MEIS1: variants seen among roughly 807,000 people sequenced by gnomAD.
MEIS1 encodes homeobox protein Meis1.
MEIS1 carries 5 observed loss-of-function variants against 50.8 expected under a neutral mutation model. That is an observed-to-expected ratio of 0.10 (90% CI 0.05 to 0.21). The LOEUF (loss-of-function observed/expected upper bound fraction) is 0.21. Among genes scored for constraint, MEIS1 ranks in the 10% least tolerant of loss-of-function variants. The pLI is 1.00. For synonymous variants in MEIS1, 176 were observed against 179.3 expected, an observed-to-expected ratio of 0.98 and a Z score of 0.15; for missense variants, 318 against 517.3, an observed-to-expected ratio of 0.61 and a Z score of 3.74.
intron 7 of MEIS1, among the ~76,000 whole-genome samples, chr2:66,484,615 A>G (rs1328277728): frequency 6.6e-6 from 1 of 151,692 alleles, no homozygotes; most frequent in Non-Finnish European, 1.5e-5. Context: ...CTGGAGTGCA[A>G]TGGCACAATT....
chr2:66,487,789 T>C (rs568701822), intron 7 of MEIS1, among the ~76,000 whole-genome samples: 1 of 152,336 alleles, frequency 6.6e-6, no homozygotes, highest in African/African-American at 2.4e-5. Context: ...CCGTCACTTC[T>C]AAACGACTGA....
chr2:66,555,168 CTG>C (rs1325051062), intron 9 of MEIS1, among the ~76,000 whole-genome samples: 3 of 152,052 alleles, frequency 2.0e-5, no homozygotes, highest in Non-Finnish European at 4.4e-5. Flanking sequence ...GATTAAAAGA[CTG>C]TTTAAGCATT....
rs528606072 is a variant in MEIS1 at position 66,526,233 on chromosome 2, C to G, written c.888+13939C>G. ...AATCATTGCTTAGCAGGTAAATTCTCTCACTCATTAGAGTTCACATGCTAG... is the reference window on the plus strand; with the variant it reads ...AATCATTGCTTAGCAGGTAAATTCTGTCACTCATTAGAGTTCACATGCTAG... On this transcript the variant is annotated intron_variant, in intron 8 of 12. Transcript: ENST00000272369. Among the ~76,000 whole-genome samples, 5 of 152,332 alleles carry G rather than the reference C, an allele frequency of 3.3e-5. No homozygotes were observed. In the East Asian group the frequency reaches 7.7e-4, roughly 23 times the overall value.
chr2:66,489,316 C>T (rs1015863142), intron 7 of MEIS1, among the ~76,000 whole-genome samples: 3 of 152,186 alleles, frequency 2.0e-5, no homozygotes, highest in Non-Finnish European at 4.4e-5. Context: ...CTTTTGGAGT[C>T]TTATAAATAT....
intron 8 of MEIS1, 25 bp downstream of exon 8, chr2:66,512,319 A>G (rs773823054): frequency 6.3e-7 from 1 of 1,597,116 alleles, no homozygotes; most frequent in Admixed American, 1.7e-5. Flanking sequence ...AATGACATAT[A>G]TAAACTAAAT....
At chr2:66,512,570 T>C (rs1673859052) in intron 8 of MEIS1, among the ~76,000 whole-genome samples, 3 of 152,208 alleles carry the variant, frequency 2.0e-5, no homozygotes. Context: ...TGTGTTTTAA[T>C]GATGTTGCTT....
chr2:66,512,805 T>A (rs1489978015), intron 8 of MEIS1, among the ~76,000 whole-genome samples: 2 of 152,198 alleles, frequency 1.3e-5, no homozygotes, highest in Non-Finnish European at 2.9e-5. Context: ...AAGTCAGAGC[T>A]CCACAGTGAA....
intron 7 of MEIS1, among the ~76,000 whole-genome samples, chr2:66,501,113 T>C (rs891607716): frequency 6.6e-6 from 1 of 152,144 alleles, no homozygotes; most frequent in Admixed American, 6.5e-5. Context: ...ATATGTATTT[T>C]GGGGAGCATA....
At chr2:66,438,885 G>A (rs1476272353) in intron 2 of MEIS1, among the ~76,000 whole-genome samples, 1 of 151,952 alleles carries the variant, frequency 6.6e-6, no homozygotes, top group Non-Finnish European at 1.5e-5. Context: ...CTTGTGCGAT[G>A]GGCTTGTTTA....
intron 6 of MEIS1, among the ~76,000 whole-genome samples, chr2:66,445,011 T>C (rs1672093932): frequency 6.6e-6 from 1 of 152,126 alleles, no homozygotes. Context: ...AATACAAAAA[T>C]TAATATAATA....
At chr2:66,442,264 TTTTTGTAAAAAAA>T (rs1256800403) in intron 5 of MEIS1, among the ~76,000 whole-genome samples, 39 of 128,458 alleles carry the variant, frequency 3.0e-4, no homozygotes, top group Non-Finnish European at 5.2e-4. Flanking sequence ...TTCCTTCTCC[TTTTTGTAAAAAAA>T]AAAAAAAAAA....
intron 3 of MEIS1, 97 bp downstream of exon 3, chr2:66,440,081 A>ACACACACACC: frequency 4.6e-6 from 5 of 1,085,698 alleles, no homozygotes; most frequent in Non-Finnish European, 6.5e-6. Context: ...ACACACACAC[A>ACACACACACC]CACACACACA....
At chr2:66,547,869 A>G in intron 8 of MEIS1, 74 bp from the exon 9 acceptor site, 1 of 1,419,768 alleles carries the variant, frequency 7.0e-7, no homozygotes. Flanking sequence ...TATAGACTTC[A>G]TGAGACACTT....
intron 7 of MEIS1, among the ~76,000 whole-genome samples, chr2:66,497,661 G>C (rs1209951761): frequency 6.6e-6 from 1 of 152,202 alleles, no homozygotes; most frequent in Non-Finnish European, 1.5e-5. Flanking sequence ...TTAGGAGGCT[G>C]AGACAGGAGA....
Position 66,446,494 on chromosome 2 carries a change from G to C in MEIS1, c.630+3446G>C, listed in dbSNP as rs1448854426. On this transcript the variant is annotated intron_variant, in intron 6 of 12. Coordinates refer to ENST00000272369, the MANE Select transcript of MEIS1 (RefSeq NM_002398.3). ...GCCGAGATTAGCTAGGTCTGTGCTC[G>C]GGCCTCAGCGGTGGCCCTGGCTCTT... is the stretch of plus-strand genomic sequence containing the variant. Among the ~76,000 whole-genome samples the C allele has an allele frequency of 3.3e-5, 5 of 152,182 alleles. No homozygotes were observed. The East Asian group carries it at 5.8e-4, about 18-fold the overall frequency.
chr2:66,510,080 C>G (rs1015573772), intron 7 of MEIS1, among the ~76,000 whole-genome samples: 3 of 152,012 alleles, frequency 2.0e-5, no homozygotes, highest in Admixed American at 6.6e-5. Context: ...GTGTCTTTTC[C>G]TTGGTTACCT....
At chr2:66,481,903 G>A (rs114551034) in intron 7 of MEIS1, among the ~76,000 whole-genome samples, 2,075 of 145,054 alleles carry the variant, frequency 0.014, 28 homozygotes, top group Middle Eastern at 0.057. Flanking sequence ...TTGCCAGGCC[G>A]GAGTGCGGTG....
intron 7 of MEIS1, among the ~76,000 whole-genome samples, chr2:66,506,340 T>A (rs1294624482): frequency 1.3e-5 from 2 of 152,032 alleles, no homozygotes; most frequent in Non-Finnish European, 2.9e-5. Context: ...AAGTTTGTCA[T>A]GTTGTTGGGG....
chr2:66,527,554 T>TCTCTGTGG (rs1177648835), intron 8 of MEIS1, among the ~76,000 whole-genome samples: 1 of 151,052 alleles, frequency 6.6e-6, no homozygotes, highest in Non-Finnish European at 1.5e-5. Flanking sequence ...TCCCTAGAGA[T>TCTCTGTGG]CTCTGTGGCT....
Sources: gnomAD v4.1 joint callset for allele counts (sites outside exome capture counted in the v4.1 genomes callset) on GRCh38, gnomAD v4.1.1 for gene constraint, MANE v1.5 for transcripts, NCBI Gene and HGNC (gene_info 2026-07-23, HGNC 2026-07-21) for gene names.